The following VPS53 variants were observed in gnomAD, a reference collection of about 807,000 sequenced individuals.
The protein encoded by VPS53 is VPS53 subunit of GARP complex.
A neutral mutation model predicts 107.0 loss-of-function variants in VPS53; 70 were observed. The ratio of observed to expected loss-of-function variants is 0.65; its 90% CI spans 0.54 to 0.80. The LOEUF (loss-of-function observed/expected upper bound fraction) is 0.80. VPS53 is among the 30% of genes least tolerant of loss of function. The probability of loss-of-function intolerance (pLI) is 0.00; values close to 1 mark genes in which losing one functional copy is unlikely to be tolerated. For synonymous variants in VPS53, 409 were observed against 393.3 expected (o/e 1.04, Z -0.47); for missense variants, 917 against 1,049.4 (o/e 0.87, Z 1.74).
In VPS53 at chr17:623,526, G is replaced by A; in HGVS notation, c.1116+7C>T. ...TTCACGTGGCAGCTCCCTAGGGAAG[G>A]TCTTACCAGGGTCCCATCGGTCAGG... On this transcript the variant is annotated splice_region_variant and intron_variant, in intron 11 of 21. Transcript: ENST00000437048. The A allele has an allele frequency of 6.2e-7, 1 of 1,611,038 alleles. No individual in the cohort carries two copies. The highest frequency in any genetic ancestry group is 2.2e-5 in the East Asian group (1 of 44,852).
Position 655,887 on chromosome 17 carries a change from T to C in VPS53, c.439A>G (p.Thr147Ala). ...AGCATGTGCAGGTGGTTCAGTGTGG[T>C]GATTGAGGTGGTCAGGTGGCGTTTG... ...HAKRHLTTSI[T>A]TLNHLHMLAG... is the part of the protein sequence containing the mutation. Residue 147 changes from threonine to alanine, a missense_variant, in exon 6 of 22, where the codon ACC becomes GCC. Thr to Ala is a moderately conservative substitution (Grantham distance 58). Coordinates refer to ENST00000437048, the MANE Select transcript of VPS53 (RefSeq NM_001128159.3). 4 of 1,612,550 alleles carry C rather than the reference T, an allele frequency of 2.5e-6. No individual in the cohort carries two copies. Among genetic ancestry groups the C allele is most frequent in the Non-Finnish European group, 2.5e-6 (3 of 1,179,324 alleles).
intron 7 of VPS53, among the ~76,000 whole-genome samples, chr17:642,480 C>CCGAGGACAACACTCATACTTGGAAAG (rs1597422966): frequency 7.1e-6 from 1 of 139,910 alleles, no homozygotes; most frequent in African/African-American, 2.6e-5. Context: ...TACTTGGAAA[C>CCGAGGACAACACTCATACTTGGAAAG]CGAGGACAAC....
chr17:544,097 G>GA (rs1910994030), intron 17 of VPS53, among the ~76,000 whole-genome samples: 1 of 152,146 alleles, frequency 6.6e-6, no homozygotes, highest in South Asian at 2.1e-4. Flanking sequence ...AGTTTTCAGG[G>GA]AAAAATATTC....
chr17:611,616 C>T (rs757535321), intron 11 of VPS53, among the ~76,000 whole-genome samples: 26 of 152,374 alleles, frequency 1.7e-4, no homozygotes, highest in Admixed American at 4.6e-4. Flanking sequence ...CACGCTGACA[C>T]GAAAACCTGT....
intron 5 of VPS53, chr17:657,284 C>A: frequency 1.2e-6 from 1 of 835,460 alleles, no homozygotes; most frequent in Admixed American, 1.9e-5. Context: ...GATGGAAATT[C>A]TCTCCTGTCT....
At chr17:677,589 A>T (rs1228950612) in intron 4 of VPS53, among the ~76,000 whole-genome samples, 3 of 152,128 alleles carry the variant, frequency 2.0e-5, no homozygotes, top group African/African-American at 7.2e-5. Context: ...TTATACACTT[A>T]AAAATGTTAA....
chr17:513,117 G>C lies in VPS53; in HGVS notation c.*6011C>G, dbSNP rs1453764713. The stretch of plus-strand genomic sequence containing the variant: ...GTTGCTTCCTTAGACTGTCAGGGAA[G>C]GGAGAAGGGCAGCCACCAGGAGCGG... On this transcript the variant is annotated 3_prime_UTR_variant, in exon 22 of 22. Transcript: ENST00000437048. 2 of 152,280 alleles carry C rather than the reference G, an allele frequency of 1.3e-5. No individual in the cohort carries two copies. The highest frequency in any genetic ancestry group is 4.8e-5 in the African/African-American group (2 of 41,454). The allele number at this position is 152,280 out of a possible 1,614,324, so 9.4% of individuals were successfully genotyped here.
intron 4 of VPS53, among the ~76,000 whole-genome samples, chr17:669,702 C>G (rs1449524069): frequency 6.6e-6 from 1 of 150,886 alleles, no homozygotes; most frequent in South Asian, 2.1e-4. Context: ...GACCATCCTG[C>G]CCAACATGGT....
chr17:642,492 C>T (rs562797281), intron 7 of VPS53, among the ~76,000 whole-genome samples: 30 of 151,752 alleles, frequency 2.0e-4, no homozygotes, highest in African/African-American at 7.0e-4. Context: ...GAGGACAACA[C>T]TCATACTTGG....
intron 16 of VPS53, 76 bp from the exon 17 acceptor site, chr17:552,026 G>A (rs1220801576): frequency 1.3e-5 from 17 of 1,349,626 alleles, no homozygotes; most frequent in Non-Finnish European, 1.4e-5. Flanking sequence ...AGGCCCCTGT[G>A]TAAAAATCAG....
intron 11 of VPS53, among the ~76,000 whole-genome samples, chr17:611,513 C>T (rs934018003): frequency 5.3e-5 from 8 of 152,186 alleles, no homozygotes; most frequent in Non-Finnish European, 1.0e-4. Context: ...GTGGCTGCTT[C>T]GAAAACAGTT....
intron 7 of VPS53, among the ~76,000 whole-genome samples, chr17:642,326 G>T (rs1415192981): frequency 6.6e-6 from 1 of 151,942 alleles, no homozygotes; most frequent in Admixed American, 6.6e-5. Context: ...CTTGGAAAGC[G>T]AGGACAACAC....
Position 699,479 on chromosome 17 carries a change from C to A in VPS53, c.169-99G>T. Reference sequence around the variant, plus strand: ...GCTATAATAGCTACTTATGAAATCTCAAAAAATTTAATCACATGATATGAG... The same window carrying A: ...GCTATAATAGCTACTTATGAAATCTAAAAAAATTTAATCACATGATATGAG... On this transcript the variant is annotated intron_variant, in intron 2 of 21. Coordinates refer to ENST00000437048, the MANE Select transcript of VPS53 (RefSeq NM_001128159.3). The A allele has an allele frequency of 7.5e-6, 7 of 935,938 alleles. No homozygotes were observed. In the South Asian group the frequency reaches 9.5e-5, roughly 13 times the overall value. The allele number at this position is 935,938 out of a possible 1,614,324, so 58.0% of individuals were successfully genotyped here. A position where few individuals can be genotyped will look rare whatever the true frequency, so the allele number is the denominator to read the frequency against.
chr17:560,315 G>C (rs916040118), intron 15 of VPS53, 111 bp downstream of exon 15: 19 of 1,403,174 alleles, frequency 1.4e-5, no homozygotes, highest in Non-Finnish European at 1.8e-5. Context: ...CAACTGGTCT[G>C]ACCCAAGGTT....
Position 611,663 on chromosome 17 carries a change from T to C in VPS53, c.1117-9767A>G, listed in dbSNP as rs544992196. Among the ~76,000 whole-genome samples the C allele has an allele frequency of 9.8e-5, 15 of 152,310 alleles. 1 individual carries two copies. The highest frequency in any genetic ancestry group is 3.6e-4 in the African/African-American group (15 of 41,580). On this transcript the variant is annotated intron_variant, in intron 11 of 21. Coordinates refer to ENST00000437048, the MANE Select transcript of VPS53 (RefSeq NM_001128159.3). ...CAGCAGTATTCATACAGTGAAAACCTGTACCGATATTCACAGCAGTATTCA... is the reference window on the plus strand; with the variant it reads ...CAGCAGTATTCATACAGTGAAAACCCGTACCGATATTCACAGCAGTATTCA...
At chr17:642,716 G>A (rs1360925315) in intron 7 of VPS53, among the ~76,000 whole-genome samples, 5 of 149,518 alleles carry the variant, frequency 3.3e-5, no homozygotes, top group South Asian at 2.1e-4. Context: ...CTTGGCAACC[G>A]AGGACAACAC....
At chr17:664,360 G>C (rs1404646390) in intron 4 of VPS53, among the ~76,000 whole-genome samples, 3 of 152,148 alleles carry the variant, frequency 2.0e-5, no homozygotes, top group Non-Finnish European at 2.9e-5. Flanking sequence ...TTACAGACGT[G>C]AGCCGCCGCG....
At chr17:642,697 A>G (rs2143339082) in intron 7 of VPS53, among the ~76,000 whole-genome samples, 1 of 151,714 alleles carries the variant, frequency 6.6e-6, no homozygotes, top group South Asian at 2.1e-4. Context: ...ACCGAGGACA[A>G]CACTCATACT....
chr17:573,570 AGAT>A (rs1914358348), intron 13 of VPS53, among the ~76,000 whole-genome samples: 1 of 152,192 alleles, frequency 6.6e-6, no homozygotes, highest in Non-Finnish European at 1.5e-5. Flanking sequence ...GTCCTGAAAA[AGAT>A]GAGAGGGATG....
Sources: gnomAD v4.1 joint callset for allele counts (sites outside exome capture counted in the v4.1 genomes callset) on GRCh38, gnomAD v4.1.1 for gene constraint, MANE v1.5 for transcripts, NCBI Gene and HGNC (gene_info 2026-07-23, HGNC 2026-07-21) for gene names.